The following SELENOF variants were observed in gnomAD, a reference collection of about 807,000 sequenced individuals.
The protein encoded by SELENOF is 15 kDa selenoprotein.
Under a neutral mutation model 20.5 loss-of-function variants are expected in SELENOF, and 16 were observed. That is an observed-to-expected ratio of 0.78 (90% CI 0.53 to 1.19). The LOEUF (loss-of-function observed/expected upper bound fraction) is 1.19. SELENOF is among the 50% of genes most tolerant of loss of function. SELENOF has a pLI of 0.00. For synonymous variants in SELENOF, 78 were observed against 74.5 expected (o/e 1.05, Z -0.24); for missense variants, 215 against 194.2 (o/e 1.11, Z -0.64).
chr1:86,896,423 T>G (rs1166624432), intron 2 of SELENOF, among the ~76,000 whole-genome samples: 1 of 152,148 alleles, frequency 6.6e-6, no homozygotes, highest in East Asian at 1.9e-4. Flanking sequence ...TATAAAAAGA[T>G]GAGAAAAATA....
At chr1:86,868,550 C>T (rs2102070334) in intron 3 of SELENOF, among the ~76,000 whole-genome samples, 1 of 151,484 alleles carries the variant, frequency 6.6e-6, no homozygotes, top group Non-Finnish European at 1.5e-5. Flanking sequence ...GCTATCAAAT[C>T]AGAGAGAGGG....
At chr1:86,899,856 T>A (rs2102120527) in intron 2 of SELENOF, among the ~76,000 whole-genome samples, 1 of 140,298 alleles carries the variant, frequency 7.1e-6, no homozygotes, top group Admixed American at 7.0e-5. Flanking sequence ...GCGGAGGGTC[T>A]CCTCCCTTCT....
intron 1 of SELENOF, among the ~76,000 whole-genome samples, chr1:86,906,360 A>AAT (rs1178332152): frequency 6.6e-6 from 1 of 152,238 alleles, no homozygotes; most frequent in Non-Finnish European, 1.5e-5. Flanking sequence ...CAAGACAATC[A>AAT]ATATGTATCA....
chr1:86,901,032 A>G (rs962179007), intron 2 of SELENOF, among the ~76,000 whole-genome samples: 1 of 152,156 alleles, frequency 6.6e-6, no homozygotes, highest in Non-Finnish European at 1.5e-5. Flanking sequence ...AGCTGGTACT[A>G]TAGGCGTAAA....
chr1:86,888,792 T>C (rs1456332491), intron 2 of SELENOF, among the ~76,000 whole-genome samples: 1 of 152,168 alleles, frequency 6.6e-6, no homozygotes, highest in Non-Finnish European at 1.5e-5. Context: ...GCCTCCCAAG[T>C]AGCTGGGATT....
chr1:86,907,782 G>C (rs1040566221), intron 1 of SELENOF, among the ~76,000 whole-genome samples: 1 of 152,048 alleles, frequency 6.6e-6, no homozygotes, highest in African/African-American at 2.4e-5. Context: ...TCAGGAGTTT[G>C]AGACCAGCCT....
Position 86,903,366 on chromosome 1 carries a change from T to C in SELENOF, c.167A>G (p.Asp56Gly). Residue 56 changes from aspartate to glycine, a missense_variant, in exon 2 of 5, where the codon GAT becomes GGT. Asp to Gly is a moderately conservative substitution (Grantham distance 94). Coordinates refer to ENST00000331835, the MANE Select transcript of SELENOF (RefSeq NM_004261.5). Reference sequence around the variant, plus strand: ...AAGCAGGTTGAACTGTCCGAGAAGATCACAAGAGCTGCAAAGCAAGTTGCT... The same window carrying C: ...AAGCAGGTTGAACTGTCCGAGAAGACCACAAGAGCTGCAAAGCAAGTTGCT... Reference protein sequence around the residue: ...FSSNLLCSSCDLLGQFNLLQL... With the variant: ...FSSNLLCSSCGLLGQFNLLQL... 1 of 1,612,254 alleles carries C rather than the reference T, an allele frequency of 6.2e-7. No homozygotes were observed. Among genetic ancestry groups the C allele is most frequent in the Non-Finnish European group, 8.5e-7 (1 of 1,179,128 alleles).
At chr1:86,893,640 C>T (rs1659445510) in intron 2 of SELENOF, among the ~76,000 whole-genome samples, 1 of 151,582 alleles carries the variant, frequency 6.6e-6, no homozygotes, top group Admixed American at 6.6e-5. Context: ...AATAAACAAA[C>T]AAATAAATAG....
chr1:86,894,084 T>G (rs551146219), intron 2 of SELENOF, among the ~76,000 whole-genome samples: 1 of 152,170 alleles, frequency 6.6e-6, no homozygotes, highest in African/African-American at 2.4e-5. Flanking sequence ...CATGATTTGG[T>G]GATCTGCAGC....
chr1:86,895,367 A>G (rs1659494915), intron 2 of SELENOF, among the ~76,000 whole-genome samples: 1 of 152,210 alleles, frequency 6.6e-6, no homozygotes, highest in Non-Finnish European at 1.5e-5. Context: ...CCAGATTACT[A>G]CTACTACTAT....
chr1:86,905,647 T>G (rs1659809707), intron 1 of SELENOF, among the ~76,000 whole-genome samples: 1 of 152,220 alleles, frequency 6.6e-6, no homozygotes, highest in African/African-American at 2.4e-5. Flanking sequence ...CCCTCACTTG[T>G]GACAGTTTTC....
chr1:86,908,359 A>G (rs1659884340), intron 1 of SELENOF, among the ~76,000 whole-genome samples: 1 of 152,270 alleles, frequency 6.6e-6, no homozygotes, highest in Non-Finnish European at 1.5e-5. Context: ...ACCAGCAGAT[A>G]TTTTGTTAAG....
intron 2 of SELENOF, among the ~76,000 whole-genome samples, chr1:86,892,174 C>T (rs1659401584): frequency 7.4e-6 from 1 of 135,200 alleles, no homozygotes; most frequent in African/African-American, 3.3e-5. Flanking sequence ...CCGCATGATC[C>T]ACCCCCCCGG....
intron 3 of SELENOF, among the ~76,000 whole-genome samples, chr1:86,871,624 C>T (rs1261999026): frequency 6.6e-6 from 1 of 152,158 alleles, no homozygotes; most frequent in Non-Finnish European, 1.5e-5. Context: ...TACAGTTCCT[C>T]AAGTTCAAAG....
chr1:86,887,294 C>T, intron 2 of SELENOF: 1 of 1,297,980 alleles, frequency 7.7e-7, no homozygotes, highest in Non-Finnish European at 1.0e-6. Context: ...AATTACTACT[C>T]ATCTTGGAGT....
intron 4 of SELENOF, among the ~76,000 whole-genome samples, chr1:86,866,613 A>AT (rs1293394899): frequency 6.6e-6 from 1 of 152,186 alleles, no homozygotes; most frequent in Non-Finnish European, 1.5e-5. Flanking sequence ...TGTACATTTA[A>AT]TATTTTTTAC....
chr1:86,894,258 G>C (rs898855028), intron 2 of SELENOF, among the ~76,000 whole-genome samples: 14 of 151,010 alleles, frequency 9.3e-5, no homozygotes, highest in African/African-American at 3.4e-4. Context: ...CAGGTGATAG[G>C]TTACACATAT....
chr1:86,912,667 G>A (rs1557475194), intron 1 of SELENOF, among the ~76,000 whole-genome samples: 1 of 152,146 alleles, frequency 6.6e-6, no homozygotes, highest in Non-Finnish European at 1.5e-5. Flanking sequence ...GAGGTCACAC[G>A]GAACAGAACC....
At chr1:86,895,680 T>A (rs1254028408) in intron 2 of SELENOF, among the ~76,000 whole-genome samples, 1 of 152,162 alleles carries the variant, frequency 6.6e-6, no homozygotes, top group African/African-American at 2.4e-5. Context: ...GAACAATAAA[T>A]TAGGCTGAAA....
Sources: gnomAD v4.1 joint callset for allele counts (sites outside exome capture counted in the v4.1 genomes callset) on GRCh38, gnomAD v4.1.1 for gene constraint, MANE v1.5 for transcripts, NCBI Gene and HGNC (gene_info 2026-07-23, HGNC 2026-07-21) for gene names.